FSTL5: variants seen among roughly 807,000 people sequenced by gnomAD.
FSTL5 encodes the protein follistatin-related protein 5.
FSTL5 carries 62 observed loss-of-function variants against 89.1 expected under a neutral mutation model. That is an observed-to-expected ratio of 0.70 (90% CI 0.57 to 0.86). The LOEUF is 0.86. Ranked by LOEUF, FSTL5 falls within the 40% of genes least tolerant of loss-of-function variation. FSTL5 has a pLI of 0.00. For synonymous variants in FSTL5, 383 were observed against 346.2 expected (o/e 1.11, Z -1.18); for missense variants, 1,057 against 1,001.6 (o/e 1.06, Z -0.75).
chr4:161,564,779 C>A (rs538000527), intron 8 of FSTL5, among the ~76,000 whole-genome samples: 1 of 151,504 alleles, frequency 6.6e-6, no homozygotes, highest in Admixed American at 6.6e-5. Flanking sequence ...ATGCCTATTG[C>A]GGGTGTCAGG....
chr4:161,602,541 T>A (rs1375291523), intron 7 of FSTL5, among the ~76,000 whole-genome samples: 1 of 152,084 alleles, frequency 6.6e-6, no homozygotes, highest in Non-Finnish European at 1.5e-5. Context: ...GATTAGAAAT[T>A]CTTAAATTCT....
At chr4:161,419,901 C>A (rs1266931520) in intron 15 of FSTL5, among the ~76,000 whole-genome samples, 6 of 152,176 alleles carry the variant, frequency 3.9e-5, no homozygotes, top group Non-Finnish European at 7.3e-5. Context: ...GACACAATAA[C>A]CATTCAGCTG....
At position 161,656,499 on chromosome 4, in the gene FSTL5, A is replaced by G. The variant is rs1464527770; in HGVS notation, c.728-5T>C. 1.3e-6 allele frequency: 2 copies of G among 1,545,300 alleles called. No individual in the cohort carries two copies. Among genetic ancestry groups the G allele is most frequent in the Non-Finnish European group, 1.7e-6 (2 of 1,147,908 alleles). On this transcript the variant is annotated splice_region_variant and splice_polypyrimidine_tract_variant and intron_variant, in intron 6 of 15. Transcript: ENST00000306100. ...GCAGACTCAACTGGATCACTTCTGT[A>G]AAGATGAAGTGTCAGTAATGTTGAT...
At chr4:161,423,785 C>T (rs1732072102) in intron 15 of FSTL5, among the ~76,000 whole-genome samples, 1 of 152,004 alleles carries the variant, frequency 6.6e-6, no homozygotes, top group African/African-American at 2.4e-5. Flanking sequence ...CCAAAGCCAA[C>T]TTGAAAGTGG....
At chr4:161,586,311 A>G (rs1220899469) in intron 8 of FSTL5, among the ~76,000 whole-genome samples, 1 of 152,182 alleles carries the variant, frequency 6.6e-6, no homozygotes, top group African/African-American at 2.4e-5. Context: ...TGAATACTTG[A>G]CATTTTCATC....
At chr4:161,663,583 G>C (rs1156313548) in intron 6 of FSTL5, among the ~76,000 whole-genome samples, 1 of 152,174 alleles carries the variant, frequency 6.6e-6, no homozygotes, top group South Asian at 2.1e-4. Context: ...TGGCATTGCA[G>C]GGTACAGCCT....
intron 2 of FSTL5, among the ~76,000 whole-genome samples, chr4:162,044,098 T>C (rs1738079481): frequency 6.6e-6 from 1 of 152,182 alleles, no homozygotes; most frequent in African/African-American, 2.4e-5. Flanking sequence ...GTGAATCCTT[T>C]CCAGAAGGTT....
chr4:161,537,458 T>G (rs980904216), intron 10 of FSTL5, among the ~76,000 whole-genome samples: 10 of 152,194 alleles, frequency 6.6e-5, no homozygotes, highest in African/African-American at 2.2e-4. Context: ...TGATAAATGC[T>G]ATAATAGTAG....
intron 4 of FSTL5, among the ~76,000 whole-genome samples, chr4:161,879,443 A>G (rs1732555874): frequency 6.6e-6 from 1 of 152,150 alleles, no homozygotes; most frequent in Non-Finnish European, 1.5e-5. Flanking sequence ...GCATTAGCAT[A>G]CTTTCCCAGG....
intron 8 of FSTL5, among the ~76,000 whole-genome samples, chr4:161,553,496 A>T (rs187751780): frequency 1.1e-4 from 17 of 151,558 alleles, no homozygotes; most frequent in African/African-American, 4.1e-4. Flanking sequence ...CCTGAGCATA[A>T]TACATTGTGC....
chr4:161,412,827 G>A (rs1384679153), intron 15 of FSTL5, among the ~76,000 whole-genome samples: 2 of 152,178 alleles, frequency 1.3e-5, no homozygotes, highest in Admixed American at 6.5e-5. Context: ...GAAAGGACTT[G>A]CTATTCAATA....
Position 161,725,413 on chromosome 4 carries a change from T to C in FSTL5, c.727+33998A>G, listed in dbSNP as rs139300735. Among the ~76,000 whole-genome samples the C allele has an allele frequency of 4.3e-3, 650 of 152,158 alleles. 4 individuals carry two copies. Among genetic ancestry groups the C allele is most frequent in the African/African-American group, 0.015 (629 of 41,534 alleles). ...TTATAATAATTTGACTGTCTTTAAA[T>C]ACTGTCAATTTTTTAAAATAGTTAA... On this transcript the variant is annotated intron_variant, in intron 6 of 15. Coordinates refer to ENST00000306100, the MANE Select transcript of FSTL5 (RefSeq NM_020116.5).
chr4:161,451,105 A>C (rs1392561975), intron 15 of FSTL5, among the ~76,000 whole-genome samples: 2 of 152,084 alleles, frequency 1.3e-5, no homozygotes, highest in East Asian at 3.8e-4. Flanking sequence ...TTTATTTATA[A>C]AAATAAAAAT....
chr4:161,587,319 C>A, intron 8 of FSTL5, 136 bp downstream of exon 8: 5 of 596,474 alleles, frequency 8.4e-6, no homozygotes, highest in South Asian at 2.4e-5. Context: ...ACTTAAAAAA[C>A]TTTTACATTA....
chr4:161,921,320 TA>T (rs930296382), intron 3 of FSTL5, among the ~76,000 whole-genome samples: 2 of 152,326 alleles, frequency 1.3e-5, no homozygotes, highest in Non-Finnish European at 2.9e-5. Context: ...TGAAGAATTA[TA>T]TTTTCTTGTT....
At chr4:162,095,301 A>C (rs1453845089) in intron 2 of FSTL5, among the ~76,000 whole-genome samples, 4 of 152,124 alleles carry the variant, frequency 2.6e-5, no homozygotes, top group Admixed American at 2.6e-4. Context: ...GAAGGTGTTC[A>C]AAAATTTCTA....
chr4:161,781,269 A>C (rs1741656059), intron 4 of FSTL5, among the ~76,000 whole-genome samples: 1 of 152,054 alleles, frequency 6.6e-6, no homozygotes, highest in Admixed American at 6.6e-5. Flanking sequence ...AATTATAAGT[A>C]GTGAAACTAT....
Position 161,483,452 on chromosome 4 carries a change from A to C in FSTL5, c.1459-2283T>G, listed in dbSNP as rs114729306. Among the ~76,000 whole-genome samples the C allele has an allele frequency of 3.4e-3, 519 of 152,352 alleles. 3 individuals are homozygous for C. The highest frequency in any genetic ancestry group is 0.011 in the African/African-American group (471 of 41,590). On this transcript the variant is annotated intron_variant, in intron 12 of 15. Coordinates refer to ENST00000306100, the MANE Select transcript of FSTL5 (RefSeq NM_020116.5). ...AGATTTCCACCCCTTTGTTTGCTAC[A>C]GAACTATTCAACAGTAAAATAAACT...
At chr4:162,061,811 C>T (rs923839943) in intron 2 of FSTL5, among the ~76,000 whole-genome samples, 45 of 152,066 alleles carry the variant, frequency 3.0e-4, no homozygotes, top group African/African-American at 1.1e-3. Flanking sequence ...TATAGTACTA[C>T]TAGCATAATG....
Sources: allele counts gnomAD v4.1 joint callset (sites outside exome capture counted in the v4.1 genomes callset), GRCh38; gene constraint gnomAD v4.1.1; transcripts MANE v1.5; gene names NCBI Gene and HGNC (gene_info 2026-07-23, HGNC 2026-07-21).